The following TMEM39B variants were observed in gnomAD, a reference collection of about 807,000 sequenced individuals.
The protein encoded by TMEM39B is transmembrane protein 39B.
TMEM39B carries 23 observed loss-of-function variants against 52.2 expected under a neutral mutation model. The ratio of observed to expected loss-of-function variants is 0.44; its 90% confidence interval spans 0.32 to 0.62. The LOEUF is 0.62. Ranked by LOEUF, TMEM39B falls within the 20% of genes least tolerant of loss-of-function variation. The pLI is 0.06. For missense variants in TMEM39B, 547 were observed against 642.0 expected, an observed-to-expected ratio of 0.85 and a Z score of 1.60; for synonymous variants, 285 against 264.0, an observed-to-expected ratio of 1.08 and a Z score of -0.77.
intron 5 of TMEM39B, among the ~76,000 whole-genome samples, chr1:32,090,529 C>T (rs1419325992): frequency 6.6e-6 from 1 of 152,176 alleles, no homozygotes; most frequent in Non-Finnish European, 1.5e-5. Context: ...TGGGTCACTG[C>T]AGCCTCAACC....
intron 5 of TMEM39B, among the ~76,000 whole-genome samples, chr1:32,082,599 T>G (rs1308979065): frequency 2.1e-5 from 3 of 144,056 alleles, no homozygotes; most frequent in Non-Finnish European, 4.6e-5. Context: ...GGATTACAGG[T>G]GTGCACCACC....
chr1:32,085,413 G>A (rs574539976), intron 5 of TMEM39B, among the ~76,000 whole-genome samples: 7 of 152,080 alleles, frequency 4.6e-5, no homozygotes, highest in Admixed American at 4.6e-4. Context: ...AGGCCTCTAT[G>A]TTTGCTGATT....
chr1:32,081,179 T>A (rs1640079124), intron 5 of TMEM39B, among the ~76,000 whole-genome samples: 1 of 151,634 alleles, frequency 6.6e-6, no homozygotes, highest in African/African-American at 2.4e-5. Context: ...TTTTACTTTC[T>A]GGGTTTTTTT....
chr1:32,084,180 T>C lies in TMEM39B; in HGVS notation c.590+6862T>C, dbSNP rs531584632. Reference sequence around the variant, plus strand: ...TTCTTTTTTCTTATTGACAAAAGAATGATGAGCCTTCATCATATCCTCAAG... The same window carrying C: ...TTCTTTTTTCTTATTGACAAAAGAACGATGAGCCTTCATCATATCCTCAAG... On this transcript the variant is annotated intron_variant, in intron 5 of 8. Coordinates refer to ENST00000336294, the MANE Select transcript of TMEM39B (RefSeq NM_018056.4). 2.6e-5 allele frequency among the ~76,000 whole-genome samples: 4 copies of C among 152,306 alleles called. No homozygotes were observed. The South Asian group carries it at 8.3e-4, about 32-fold the overall frequency.
intron 5 of TMEM39B, 142 bp from the exon 6 acceptor site, chr1:32,091,532 AT>A (rs1409855085): frequency 1.1e-6 from 1 of 875,766 alleles, no homozygotes; most frequent in African/African-American, 1.7e-5. Context: ...GGTAGGGTGG[AT>A]GGATGGAAGG....
chr1:32,098,746 A>C (rs1557442531), intron 7 of TMEM39B, among the ~76,000 whole-genome samples: 2 of 152,144 alleles, frequency 1.3e-5, no homozygotes, highest in Non-Finnish European at 2.9e-5. Context: ...CTCAAAAAAA[A>C]AAAGAAAGCT....
chr1:32,085,948 G>A (rs1420561329), intron 5 of TMEM39B, among the ~76,000 whole-genome samples: 3 of 151,984 alleles, frequency 2.0e-5, no homozygotes, highest in African/African-American at 7.3e-5. Context: ...AGCTTTGACT[G>A]GAAACTTTAA....
intron 5 of TMEM39B, among the ~76,000 whole-genome samples, chr1:32,091,307 G>A (rs369304602): frequency 9.8e-5 from 15 of 152,296 alleles, no homozygotes; most frequent in East Asian, 3.9e-4. Flanking sequence ...GTTGTTATGA[G>A]AAAAGCGTTT....
intron 5 of TMEM39B, 31 bp downstream of exon 5, chr1:32,077,349 C>T (rs1639910595): frequency 6.2e-7 from 1 of 1,613,146 alleles, no homozygotes; most frequent in Non-Finnish European, 8.5e-7. Flanking sequence ...CCCTCACTGC[C>T]CAGCACCTGG....
chr1:32,073,167 A>G, intron 1 of TMEM39B, 116 bp downstream of exon 1: 1 of 1,248,112 alleles, frequency 8.0e-7, no homozygotes, highest in Non-Finnish European at 1.0e-6. Flanking sequence ...GGGGGAGGGG[A>G]TGCGAGCGCA....
At chr1:32,085,322 T>C (rs1001232843) in intron 5 of TMEM39B, among the ~76,000 whole-genome samples, 6 of 152,222 alleles carry the variant, frequency 3.9e-5, no homozygotes, top group African/African-American at 1.4e-4. Context: ...TGTATGTGCA[T>C]TGCCTTTGGA....
At chr1:32,074,491 TA>T (rs1639768886) in intron 1 of TMEM39B, among the ~76,000 whole-genome samples, 1 of 152,150 alleles carries the variant, frequency 6.6e-6, no homozygotes, top group African/African-American at 2.4e-5. Flanking sequence ...GTGAAAAAGA[TA>T]AGGTAACTGA....
At chr1:32,073,284 T>G in intron 1 of TMEM39B, 2 of 507,608 alleles carry the variant, frequency 3.9e-6, no homozygotes, top group Non-Finnish European at 3.2e-6. Context: ...TGTGGGGGCT[T>G]GGGCTTTCGT....
chr1:32,098,765 C>G (rs1038184917), intron 7 of TMEM39B, among the ~76,000 whole-genome samples: 2 of 152,128 alleles, frequency 1.3e-5, no homozygotes, highest in African/African-American at 4.8e-5. Context: ...CTCACCGGTC[C>G]TAGCATTTCA....
intron 6 of TMEM39B, among the ~76,000 whole-genome samples, chr1:32,094,117 CTTTTTTTTT>C (rs796499631): frequency 1.3e-4 from 4 of 29,770 alleles, no homozygotes; most frequent in African/African-American, 4.5e-4. Context: ...TGCGCCTGGC[CTTTTTTTTT>C]TTTTTTTTTT....
chr1:32,089,031 A>G (rs974138608), intron 5 of TMEM39B, among the ~76,000 whole-genome samples: 6 of 152,202 alleles, frequency 3.9e-5, no homozygotes, highest in South Asian at 2.1e-4. Context: ...AGTGGGATCA[A>G]TACAAGCTAT....
chr1:32,073,077 C>A, intron 1 of TMEM39B, 26 bp downstream of exon 1: 3 of 1,460,534 alleles, frequency 2.1e-6, no homozygotes, highest in Non-Finnish European at 2.7e-6. Flanking sequence ...CAGGCTCGGC[C>A]TGGCAACGAG....
At chr1:32,096,327 A>AC (rs1203306152) in intron 7 of TMEM39B, among the ~76,000 whole-genome samples, 1 of 151,708 alleles carries the variant, frequency 6.6e-6, no homozygotes, top group Admixed American at 6.6e-5. Flanking sequence ...GGCCCATAAT[A>AC]CCATAATCAT....
At position 32,102,473 on chromosome 1, in the gene TMEM39B, C is replaced by T. The variant is rs778056139; in HGVS notation, c.1279C>T (p.Leu427=). 37 of 1,614,036 alleles carry T rather than the reference C, an allele frequency of 2.3e-5. No individual in the cohort carries two copies. The South Asian group carries it at 4.1e-4, about 18-fold the overall frequency. ...CCTGCGGATCCTCAACATCCTCCTG[C>T]TGCTGGAGGGCGCTGTCATTGTCTA... ...KPLRILNILL[L]LEGAVIVYQL... Residue 427 remains leucine (L), a synonymous_variant, in exon 9 of 9, where the codon CTG becomes TTG. Coordinates refer to ENST00000336294, the MANE Select transcript of TMEM39B (RefSeq NM_018056.4).
Sources: allele counts gnomAD v4.1 joint callset (sites outside exome capture counted in the v4.1 genomes callset), GRCh38; gene constraint gnomAD v4.1.1; transcripts MANE v1.5; gene names NCBI Gene and HGNC (gene_info 2026-07-23, HGNC 2026-07-21).